The following LAMA4 variants were observed in gnomAD, a reference collection of about 807,000 sequenced individuals.
The protein encoded by LAMA4 is laminin subunit alpha 4, also known as laminin subunit alpha-4.
In LAMA4, 127 loss-of-function variants were observed where a neutral mutation model predicts 207.1. That is an observed-to-expected ratio of 0.61 (90% CI 0.53 to 0.71). LAMA4 has a LOEUF of 0.71. Ranked by LOEUF, LAMA4 falls within the 30% of genes least tolerant of loss-of-function variation. LAMA4 has a pLI of 0.00. For synonymous variants in LAMA4, 761 were observed against 816.0 expected, an observed-to-expected ratio of 0.93 and a Z score of 1.15; for missense variants, 2,093 against 2,246.5, an observed-to-expected ratio of 0.93 and a Z score of 1.38.
chr6:112,171,724 A>G (rs1477219924), intron 12 of LAMA4: 5 of 153,220 alleles, frequency 3.3e-5, no homozygotes, highest in African/African-American at 1.2e-4. Flanking sequence ...TCTAAAAAAT[A>G]TTGGCTAGGG....
intron 20 of LAMA4, 76 bp from the exon 21 acceptor site, chr6:112,141,579 A>G: frequency 4.2e-6 from 5 of 1,203,738 alleles, no homozygotes; most frequent in Non-Finnish European, 4.9e-6. Context: ...AAGGACAATC[A>G]GAAATCCAAA....
At chr6:112,235,561 G>A (rs1464209713) in intron 2 of LAMA4, among the ~76,000 whole-genome samples, 2 of 152,170 alleles carry the variant, frequency 1.3e-5, no homozygotes, top group African/African-American at 4.8e-5. Context: ...TTAAGGTCAT[G>A]TGGAAACCTG....
intron 2 of LAMA4, among the ~76,000 whole-genome samples, chr6:112,252,989 A>C (rs1787567937): frequency 6.6e-6 from 1 of 152,222 alleles, no homozygotes; most frequent in South Asian, 2.1e-4. Flanking sequence ...TAATAACTAT[A>C]ATTGTACTAA....
At chr6:112,253,320 C>A (rs1352502977) in intron 2 of LAMA4, 1 of 215,140 alleles carries the variant, frequency 4.6e-6, no homozygotes, top group African/African-American at 2.3e-5. Flanking sequence ...GTAAGGTATT[C>A]AAACAGCAGC....
chr6:112,131,201 G>A, intron 28 of LAMA4, 100 bp from the exon 29 acceptor site: 2 of 1,076,104 alleles, frequency 1.9e-6, no homozygotes, highest in South Asian at 2.5e-5. Flanking sequence ...AGGCAATATA[G>A]TGTGTAGGAA....
intron 29 of LAMA4, among the ~76,000 whole-genome samples, chr6:112,130,339 T>G (rs1226521965): frequency 6.6e-6 from 1 of 151,288 alleles, no homozygotes; most frequent in African/African-American, 2.4e-5. Flanking sequence ...TGTGTGTGTA[T>G]AAAACAGAGC....
intron 3 of LAMA4, among the ~76,000 whole-genome samples, chr6:112,209,930 T>C (rs1784270922): frequency 6.6e-6 from 1 of 152,144 alleles, no homozygotes; most frequent in Admixed American, 6.6e-5. Context: ...TTCTAATGGC[T>C]TAGCGTGATT....
At chr6:112,217,663 T>G (rs1554359152) in intron 2 of LAMA4, 1 of 152,152 alleles carries the variant, frequency 6.6e-6, no homozygotes, top group African/African-American at 2.4e-5. Flanking sequence ...TAAAATTTAA[T>G]AAACCCCATT....
At chr6:112,129,113 T>C (rs1554328696) in intron 30 of LAMA4, 38 bp from the exon 31 acceptor site, 1 of 1,550,646 alleles carries the variant, frequency 6.4e-7, no homozygotes, top group South Asian at 1.1e-5. Flanking sequence ...ATATTAAAAA[T>C]ATTGTTCAGA....
chr6:112,239,911 A>C (rs74688603), intron 2 of LAMA4, among the ~76,000 whole-genome samples: 6,126 of 152,044 alleles, frequency 0.04, 455 homozygotes, highest in African/African-American at 0.14. Flanking sequence ...AAAACACAAA[A>C]AAATTAGGCA....
At position 112,139,889 on chromosome 6, in the gene LAMA4, T is replaced by C. The variant is rs2114695135; in HGVS notation, c.2977-4A>G. 2 of 1,614,008 alleles carry C rather than the reference T, an allele frequency of 1.2e-6. No individual in the cohort carries two copies. Among genetic ancestry groups the C allele is most frequent in the Non-Finnish European group, 1.7e-6 (2 of 1,179,898 alleles). ...GCAGGTTTAAGCTGGTAGGGAGCTATGCAATAGAAAAAGTAAAACCACTTG... is the reference window on the plus strand; with the variant it reads ...GCAGGTTTAAGCTGGTAGGGAGCTACGCAATAGAAAAAGTAAAACCACTTG... On this transcript the variant is annotated splice_polypyrimidine_tract_variant and splice_region_variant and intron_variant, in intron 22 of 38. Coordinates refer to ENST00000230538, the MANE Select transcript of LAMA4 (RefSeq NM_001105206.3).
At position 112,109,333 on chromosome 6, in the gene LAMA4, G is replaced by T. The variant is rs2114527530; in HGVS notation, c.*104C>A. On this transcript the variant is annotated 3_prime_UTR_variant, in exon 39 of 39. Transcript: ENST00000230538. ...TCGTTTAAGTCCTGTTCAACTCGAT[G>T]AAAGCTTCCACCCGAAGGAAGAGTT... The T allele has an allele frequency of 2.4e-6, 3 of 1,274,772 alleles. No homozygotes were observed. The highest frequency in any genetic ancestry group is 2.5e-5 in the South Asian group (2 of 79,898). 79.0% of individuals were successfully genotyped at this position (1,274,772 alleles called of 1,614,324 possible). A position where few individuals can be genotyped will look rare whatever the true frequency, so the allele number is the denominator to read the frequency against.
At chr6:112,130,184 G>C (rs1168067088) in intron 29 of LAMA4, 144 bp from the exon 30 acceptor site, 1 of 695,562 alleles carries the variant, frequency 1.4e-6, no homozygotes, top group Non-Finnish European at 2.5e-6. Flanking sequence ...AACTCTTCAT[G>C]AGGCCCAGGA....
intron 36 of LAMA4, among the ~76,000 whole-genome samples, chr6:112,115,476 T>A (rs1045187377): frequency 3.3e-5 from 5 of 152,148 alleles, no homozygotes; most frequent in Non-Finnish European, 7.4e-5. Flanking sequence ...TATATACATA[T>A]CTAGTACACA....
chr6:112,188,336 A>G (rs1439002754), intron 7 of LAMA4, among the ~76,000 whole-genome samples: 8 of 152,118 alleles, frequency 5.3e-5, no homozygotes, highest in East Asian at 1.9e-4. Context: ...GGTGGGGGAG[A>G]TGCTTAGGAC....
intron 25 of LAMA4, among the ~76,000 whole-genome samples, chr6:112,135,645 G>A (rs1334834524): frequency 6.6e-6 from 1 of 152,156 alleles, no homozygotes; most frequent in African/African-American, 2.4e-5. Context: ...GGGATTCTTT[G>A]TGAGTTCTCT....
At chr6:112,178,292 A>G (rs1479589066) in intron 9 of LAMA4, 60 bp from the exon 10 acceptor site, 11 of 1,212,282 alleles carry the variant, frequency 9.1e-6, no homozygotes, top group Non-Finnish European at 1.3e-5. Flanking sequence ...TTGTATAAGC[A>G]CAGATAGGGG....
chr6:112,231,948 A>G (rs1785592808), intron 2 of LAMA4, among the ~76,000 whole-genome samples: 1 of 152,162 alleles, frequency 6.6e-6, no homozygotes, highest in Admixed American at 6.5e-5. Flanking sequence ...TATGAGTCAA[A>G]TTTTATGAGA....
intron 18 of LAMA4, 32 bp from the exon 19 acceptor site, chr6:112,144,965 A>T: frequency 6.5e-7 from 1 of 1,549,610 alleles, no homozygotes; most frequent in Non-Finnish European, 8.8e-7. Flanking sequence ...CATTTAAGAA[A>T]ATAACTCAAT....
Sources: allele counts gnomAD v4.1 joint callset (sites outside exome capture counted in the v4.1 genomes callset), GRCh38; gene constraint gnomAD v4.1.1; transcripts MANE v1.5; gene names NCBI Gene and HGNC (gene_info 2026-07-23, HGNC 2026-07-21).